The following RGS6 variants were observed in gnomAD, a reference collection of about 807,000 sequenced individuals.
RGS6 encodes regulator of G-protein signaling 6.
A neutral mutation model predicts 78.5 loss-of-function variants in RGS6; 30 were observed. That is an observed-to-expected ratio of 0.38 (90% CI 0.29 to 0.52). RGS6 has a LOEUF of 0.52. Ranked by LOEUF, RGS6 falls within the 20% of genes least tolerant of loss-of-function variation. The pLI is 0.85. For missense variants in RGS6, 495 were observed against 609.7 expected (o/e 0.81, Z 1.98); for synonymous variants, 206 against 206.0 (o/e 1.00, Z 0.00).
chr14:72,123,070 G>A (rs2096095060), intron 2 of RGS6, among the ~76,000 whole-genome samples: 1 of 152,114 alleles, frequency 6.6e-6, no homozygotes, highest in Non-Finnish European at 1.5e-5. Flanking sequence ...GGGTTTGAGC[G>A]ATTCTCATGC....
chr14:72,246,214 A>G (rs762191336), intron 2 of RGS6, among the ~76,000 whole-genome samples: 7 of 152,182 alleles, frequency 4.6e-5, no homozygotes, highest in African/African-American at 1.7e-4. Context: ...CTGAGTGTCA[A>G]TTCATAAGGG....
At chr14:72,334,937 C>G (rs1313049400) in intron 2 of RGS6, among the ~76,000 whole-genome samples, 1 of 152,190 alleles carries the variant, frequency 6.6e-6, no homozygotes, top group East Asian at 1.9e-4. Context: ...GCTGTGTCCA[C>G]ACCCAAATCT....
chr14:72,431,509 C>T (rs981241898), intron 3 of RGS6, among the ~76,000 whole-genome samples: 1 of 139,200 alleles, frequency 7.2e-6, no homozygotes, highest in African/African-American at 2.8e-5. Flanking sequence ...TGCACCACCA[C>T]ACTTTATTTT....
At chr14:72,096,989 G>A (rs776841365) in intron 2 of RGS6, among the ~76,000 whole-genome samples, 47 of 152,182 alleles carry the variant, frequency 3.1e-4, no homozygotes, top group Non-Finnish European at 4.7e-4. Context: ...GCTGCAGCAC[G>A]TCTGTAGTAG....
At chr14:71,923,840 G>T in the RGS6 span, among the ~76,000 whole-genome samples, 1 of 152,108 alleles carries the variant, frequency 6.6e-6, no homozygotes, top group South Asian at 2.1e-4. Flanking sequence ...GGGGGGTGGG[G>T]CATTAAAATG....
intron 17 of RGS6, chr14:72,540,631 C>T (rs2097312378): frequency 1.4e-6 from 2 of 1,440,076 alleles, no homozygotes; most frequent in African/African-American, 2.8e-5. Context: ...GCGATGTGGC[C>T]TAGCTGGCGT....
chr14:72,155,460 C>G (rs2096756949), intron 2 of RGS6, among the ~76,000 whole-genome samples: 1 of 152,192 alleles, frequency 6.6e-6, no homozygotes, highest in Non-Finnish European at 1.5e-5. Context: ...GAACTAACCA[C>G]CCACAATGCA....
chr14:71,982,650 C>T (rs1209244138), intron 2 of RGS6, among the ~76,000 whole-genome samples: 1 of 152,212 alleles, frequency 6.6e-6, no homozygotes, highest in Non-Finnish European at 1.5e-5. Flanking sequence ...CTGCCAAAAG[C>T]TCTGTTCAGC....
chr14:72,299,353 A>G (rs138375290), intron 2 of RGS6, among the ~76,000 whole-genome samples: 1 of 152,288 alleles, frequency 6.6e-6, no homozygotes, highest in African/African-American at 2.4e-5. Flanking sequence ...TTTTTATATA[A>G]ATGAGATAAT....
At chr14:72,110,787 A>G (rs1012388215) in intron 2 of RGS6, among the ~76,000 whole-genome samples, 4 of 152,232 alleles carry the variant, frequency 2.6e-5, no homozygotes, top group South Asian at 2.1e-4. Context: ...TCATTGACCC[A>G]GACAAGTGTC....
At chr14:72,388,830 G>T (rs1340683263) in intron 3 of RGS6, among the ~76,000 whole-genome samples, 2 of 152,136 alleles carry the variant, frequency 1.3e-5, no homozygotes, top group African/African-American at 2.4e-5. Flanking sequence ...ATAAATTAGA[G>T]CTATTCATAA....
At chr14:72,216,535 G>A (rs1164897371) in intron 2 of RGS6, among the ~76,000 whole-genome samples, 2 of 152,140 alleles carry the variant, frequency 1.3e-5, no homozygotes, top group African/African-American at 2.4e-5. Flanking sequence ...AATGTGAAAT[G>A]TAATAAGGCA....
At chr14:72,308,672 G>A (rs1321979029) in intron 2 of RGS6, among the ~76,000 whole-genome samples, 1 of 152,192 alleles carries the variant, frequency 6.6e-6, no homozygotes. Flanking sequence ...AGATAAAAAT[G>A]CAGGATTCTC....
chr14:72,616,752 T>C, the RGS6 span, among the ~76,000 whole-genome samples: 4 of 152,218 alleles, frequency 2.6e-5, no homozygotes, highest in African/African-American at 7.2e-5. Context: ...ATGCATCCTA[T>C]GATTCTATCT....
chr14:71,898,883 T>C, the RGS6 span, among the ~76,000 whole-genome samples: 1 of 152,248 alleles, frequency 6.6e-6, no homozygotes, highest in Non-Finnish European at 1.5e-5. Flanking sequence ...CCATGGTGTA[T>C]ATGTGCCACA....
intron 2 of RGS6, among the ~76,000 whole-genome samples, chr14:72,325,471 G>GT (rs71448394): frequency 0.064 from 9,701 of 151,884 alleles, 439 homozygotes; most frequent in East Asian, 0.27. Context: ...TTCTTCTAGG[G>GT]TTTTTTTGGT....
intron 2 of RGS6, among the ~76,000 whole-genome samples, chr14:72,041,482 G>A (rs4902977): frequency 0.12 from 17,730 of 152,144 alleles, 1,048 homozygotes; most frequent in East Asian, 0.17. Context: ...CCAGTTTCCC[G>A]TTAGAGTCTG....
At chr14:72,125,750 G>C (rs989099624) in intron 2 of RGS6, among the ~76,000 whole-genome samples, 1 of 152,140 alleles carries the variant, frequency 6.6e-6, no homozygotes, top group African/African-American at 2.4e-5. Flanking sequence ...TAGGATGTAT[G>C]TTCATGAAAT....
At chr14:72,066,601 G>A (rs1390426816) in intron 2 of RGS6, among the ~76,000 whole-genome samples, 1 of 149,958 alleles carries the variant, frequency 6.7e-6, no homozygotes, top group African/African-American at 2.5e-5. Context: ...AGGTGTTTGT[G>A]GCTGTCCACT....
Sources: allele counts gnomAD v4.1 joint callset (sites outside exome capture counted in the v4.1 genomes callset), GRCh38; gene constraint gnomAD v4.1.1; transcripts MANE v1.5; gene names NCBI Gene and HGNC (gene_info 2026-07-23, HGNC 2026-07-21).